CUBN: variants seen among roughly 807,000 people sequenced by gnomAD.
CUBN encodes the protein 460 kDa receptor.
Under a neutral mutation model 405.3 loss-of-function variants are expected in CUBN, and 282 were observed. That is an observed-to-expected ratio of 0.70 (90% CI 0.63 to 0.77). The LOEUF (loss-of-function observed/expected upper bound fraction) is 0.77. Ranked by LOEUF, CUBN falls within the 30% of genes least tolerant of loss-of-function variation. CUBN has a pLI of 0.00. For missense variants in CUBN, 4,514 were observed against 4,475.2 expected, an observed-to-expected ratio of 1.01 and a Z score of -0.25; for synonymous variants, 1,684 against 1,617.0, an observed-to-expected ratio of 1.04 and a Z score of -0.99.
chr10:16,836,178 C>A lies in CUBN; in HGVS notation c.10180+57G>T. The A allele has an allele frequency of 2.1e-6, 3 of 1,436,594 alleles. No homozygotes were observed. The South Asian group carries it at 3.4e-5, about 16-fold the overall frequency. 89.0% of individuals were successfully genotyped at this position (1,436,594 alleles called of 1,614,324 possible). On this transcript the variant is annotated intron_variant, in intron 63 of 66. Transcript: ENST00000377833. ...TCTAGAAATAATTGTAATTATTCTA[C>A]GAATAATGGTAATGATGGCAGCTTT...
At chr10:16,878,229 AG>A (rs1430086617) in intron 56 of CUBN, among the ~76,000 whole-genome samples, 1 of 152,192 alleles carries the variant, frequency 6.6e-6, no homozygotes, top group Non-Finnish European at 1.5e-5. Context: ...CAGAAGTTAC[AG>A]TGAGCTGAGA....
intron 36 of CUBN, among the ~76,000 whole-genome samples, chr10:16,940,864 T>A (rs1564436633): frequency 1.3e-5 from 2 of 152,188 alleles, no homozygotes. Flanking sequence ...AGGTGGCACT[T>A]AAATGCGCTG....
At chr10:17,017,986 G>C (rs920919633) in intron 28 of CUBN, among the ~76,000 whole-genome samples, 1 of 152,124 alleles carries the variant, frequency 6.6e-6, no homozygotes, top group African/African-American at 2.4e-5. Context: ...CCAACTTGTT[G>C]TTGGGACCCC....
chr10:17,088,394 T>G, intron 14 of CUBN, 49 bp from the exon 15 acceptor site: 1 of 1,496,494 alleles, frequency 6.7e-7, no homozygotes. Flanking sequence ...ATGCTATAAT[T>G]TATGGAGAAT....
At chr10:17,081,596 T>C in intron 17 of CUBN, among the ~76,000 whole-genome samples, 1 of 152,234 alleles carries the variant, frequency 6.6e-6, no homozygotes, top group East Asian at 1.9e-4. Flanking sequence ...ATTTGGTTCC[T>C]GTATCACTTT....
At chr10:16,845,521 A>C (rs376775420) in intron 60 of CUBN, among the ~76,000 whole-genome samples, 3 of 152,214 alleles carry the variant, frequency 2.0e-5, no homozygotes, top group East Asian at 1.9e-4. Context: ...TCTGGAGAAA[A>C]AAGTTATACT....
chr10:16,924,875 A>G (rs1842136957), intron 43 of CUBN, among the ~76,000 whole-genome samples: 1 of 152,194 alleles, frequency 6.6e-6, no homozygotes, highest in African/African-American at 2.4e-5. Flanking sequence ...TGTAAGTCTT[A>G]TAATGTTTCT....
chr10:17,087,427 A>G (rs1452134699), intron 15 of CUBN, among the ~76,000 whole-genome samples: 1 of 149,384 alleles, frequency 6.7e-6, no homozygotes, highest in East Asian at 2.0e-4. Flanking sequence ...ACTTTATTCC[A>G]GGAACCTAAC....
In CUBN at chr10:17,097,345, A is replaced by C. The variant is rs113576636; in HGVS notation, c.1765+2660T>G. 2.0e-3 allele frequency among the ~76,000 whole-genome samples: 303 copies of C among 152,210 alleles called. 1 individual carries two copies. Among genetic ancestry groups the C allele is most frequent in the African/African-American group, 6.9e-3 (287 of 41,570 alleles). On this transcript the variant is annotated intron_variant, in intron 14 of 66. Transcript: ENST00000377833. ...GTTTCTTGAGAAAAAAATTGCCAAA[A>C]CTGAAAAAAGAAGAAATGTAAACTC...
chr10:16,905,390 C>A (rs112267464), intron 50 of CUBN, among the ~76,000 whole-genome samples: 94 of 152,256 alleles, frequency 6.2e-4, no homozygotes, highest in Middle Eastern at 3.4e-3. Context: ...TTTTCCATCA[C>A]GAAAACCAAG....
chr10:17,070,291 T>A (rs1835709751), intron 19 of CUBN, among the ~76,000 whole-genome samples: 1 of 152,218 alleles, frequency 6.6e-6, no homozygotes, highest in African/African-American at 2.4e-5. Flanking sequence ...AGTTTTGAAA[T>A]CAGGAAGTGT....
intron 29 of CUBN, among the ~76,000 whole-genome samples, chr10:16,988,819 A>C (rs1191408009): frequency 6.6e-6 from 1 of 151,592 alleles, no homozygotes; most frequent in African/African-American, 2.4e-5. Context: ...TAGCTCTTCC[A>C]CTCCCCTTCC....
chr10:16,962,451 G>T (rs115583337), intron 31 of CUBN, among the ~76,000 whole-genome samples: 252 of 152,084 alleles, frequency 1.7e-3, no homozygotes, highest in African/African-American at 5.8e-3. Flanking sequence ...AGATTGTAGG[G>T]GTGGGGGGTG....
chr10:17,128,009 G>C (rs183716257), intron 2 of CUBN, 85 bp from the exon 3 acceptor site: 6 of 953,150 alleles, frequency 6.3e-6, no homozygotes, highest in Non-Finnish European at 9.8e-6. Context: ...AAAAACTTGA[G>C]TAGTATTCTA....
intron 14 of CUBN, among the ~76,000 whole-genome samples, chr10:17,089,953 TA>T (rs1333985695): frequency 6.6e-6 from 1 of 151,672 alleles, no homozygotes; most frequent in Non-Finnish European, 1.5e-5. Context: ...CTACAAAAAA[TA>T]AAAAAATAAA....
chr10:17,007,015 C>T (rs905953340), intron 28 of CUBN, among the ~76,000 whole-genome samples: 2 of 152,190 alleles, frequency 1.3e-5, no homozygotes, highest in East Asian at 1.9e-4. Context: ...GTCACTCTCT[C>T]GCTCACAAAG....
chr10:17,090,626 C>T (rs1454903159), intron 14 of CUBN, among the ~76,000 whole-genome samples: 10 of 151,846 alleles, frequency 6.6e-5, no homozygotes, highest in Non-Finnish European at 1.3e-4. Flanking sequence ...TTTGACTATA[C>T]CGCTCAAGCA....
At chr10:16,992,933 T>C (rs1382253967) in intron 28 of CUBN, among the ~76,000 whole-genome samples, 1 of 152,124 alleles carries the variant, frequency 6.6e-6, no homozygotes, top group Admixed American at 6.5e-5. Context: ...ACATGGCAAA[T>C]ATTCCTGAAG....
chr10:17,050,839 G>C (rs1173964176), intron 22 of CUBN, among the ~76,000 whole-genome samples: 3 of 152,094 alleles, frequency 2.0e-5, no homozygotes, highest in African/African-American at 7.2e-5. Flanking sequence ...CAAGTTAGAG[G>C]GGCTCGAGAA....
Sources: gnomAD v4.1 joint callset for allele counts (sites outside exome capture counted in the v4.1 genomes callset) on GRCh38, gnomAD v4.1.1 for gene constraint, MANE v1.5 for transcripts, NCBI Gene and HGNC (gene_info 2026-07-23, HGNC 2026-07-21) for gene names.